MYRIP: variants seen among roughly 807,000 people sequenced by gnomAD.
MYRIP encodes myosin VIIA and Rab interacting protein.
Under a neutral mutation model 98.0 loss-of-function variants are expected in MYRIP, and 49 were observed. That is an observed-to-expected ratio of 0.50 (90% CI 0.40 to 0.63). The LOEUF (loss-of-function observed/expected upper bound fraction) is 0.63, where lower values mean the gene tolerates loss of function less well. Ranked by LOEUF, MYRIP falls within the 30% of genes least tolerant of loss-of-function variation. MYRIP has a pLI of 0.00. For missense variants in MYRIP, 1,004 were observed against 1,058.2 expected, an observed-to-expected ratio of 0.95 and a Z score of 0.71; for synonymous variants, 404 against 409.5, an observed-to-expected ratio of 0.99 and a Z score of 0.16.
chr3:40,137,303 C>T (rs1273569552), intron 3 of MYRIP, among the ~76,000 whole-genome samples: 3 of 152,074 alleles, frequency 2.0e-5, no homozygotes, highest in Non-Finnish European at 4.4e-5. Context: ...ATAAATTCCT[C>T]GACACATACA....
At chr3:39,968,160 A>G (rs1379972270) in intron 2 of MYRIP, among the ~76,000 whole-genome samples, 1 of 150,504 alleles carries the variant, frequency 6.6e-6, no homozygotes, top group South Asian at 2.1e-4. Context: ...TCCTATGTCC[A>G]GGATGGTATT....
At chr3:40,240,994 T>C (rs1952994341) in intron 12 of MYRIP, among the ~76,000 whole-genome samples, 1 of 152,116 alleles carries the variant, frequency 6.6e-6, no homozygotes, top group African/African-American at 2.4e-5. Context: ...CAGGAAGCCC[T>C]GGTGATGAAG....
intron 3 of MYRIP, among the ~76,000 whole-genome samples, chr3:40,124,568 C>T (rs1459185877): frequency 1.3e-5 from 2 of 152,190 alleles, no homozygotes; most frequent in East Asian, 3.8e-4. Flanking sequence ...CACCTTTCTC[C>T]CAGCATTTGT....
At chr3:39,930,215 C>T (rs1352356923) in intron 2 of MYRIP, among the ~76,000 whole-genome samples, 1 of 151,982 alleles carries the variant, frequency 6.6e-6, no homozygotes, top group Non-Finnish European at 1.5e-5. Context: ...CATCAATACT[C>T]ATTATTTCCT....
chr3:39,924,951 T>C lies in MYRIP; in HGVS notation c.110+24025T>C, dbSNP rs111258080. 1.2e-4 allele frequency among the ~76,000 whole-genome samples: 18 copies of C among 151,988 alleles called. 1 individual carries two copies. The Middle Eastern group carries it at 0.017, about 145-fold the overall frequency. ...CAATATTTCAAAATTTATGGGAAAC[T>C]GCTAAAGTAGTACATAGAAGAAAAT... On this transcript the variant is annotated intron_variant, in intron 2 of 16. Transcript: ENST00000302541.
intron 3 of MYRIP, among the ~76,000 whole-genome samples, chr3:40,062,147 G>T (rs1948032288): frequency 6.6e-6 from 1 of 152,170 alleles, no homozygotes; most frequent in Admixed American, 6.5e-5. Context: ...TTCTTTTGGT[G>T]TATTTGTCAT....
At chr3:39,870,348 AATTTGTTCCATTC>A (rs1942748983) in intron 1 of MYRIP, among the ~76,000 whole-genome samples, 1 of 44,222 alleles carries the variant, frequency 2.3e-5, no homozygotes, top group Non-Finnish European at 4.1e-5. Flanking sequence ...CCATTGTTCC[AATTTGTTCCATTC>A]TTCCAATTTG....
rs1322376887 is a variant in MYRIP at position 40,192,309 on chromosome 3, C to CATATATATATGACATATGTATAT, written c.1665+1856_1665+1857insGACATATGTATATATATATATAT. On this transcript the variant is annotated intron_variant, in intron 10 of 16. Transcript: ENST00000302541. Reference sequence around the variant, plus strand: ...ATTTACTGCGGCAGTTAGTTTTCTTCATATATATATATATATGTCATATAT... The same window carrying CATATATATATGACATATGTATAT: ...ATTTACTGCGGCAGTTAGTTTTCTTCATATATATATGACATATGTATATATATATATATATATATGTCATATAT... 1.9e-4 allele frequency among the ~76,000 whole-genome samples: 11 copies of CATATATATATGACATATGTATAT among 57,954 alleles called. 1 individual carries two copies. The highest frequency in any genetic ancestry group is 3.1e-4 in the Non-Finnish European group (11 of 35,488). The allele number at this position is 57,954 out of a possible 152,430, so 38.0% of individuals were successfully genotyped here.
At chr3:40,110,881 G>GGTGTGTGTGT (rs58040369) in intron 3 of MYRIP, among the ~76,000 whole-genome samples, 7 of 147,698 alleles carry the variant, frequency 4.7e-5, no homozygotes, top group African/African-American at 1.8e-4. Flanking sequence ...TTCATGAAGG[G>GGTGTGTGTGT]GTGTGTGTGT....
chr3:39,866,241 AT>A (rs1250248721), intron 1 of MYRIP, among the ~76,000 whole-genome samples: 1 of 152,140 alleles, frequency 6.6e-6, no homozygotes, highest in Non-Finnish European at 1.5e-5. Context: ...TACTGTGCTG[AT>A]TACCTGGGTG....
intron 2 of MYRIP, among the ~76,000 whole-genome samples, chr3:39,942,845 T>A (rs1944821093): frequency 6.6e-6 from 1 of 152,148 alleles, no homozygotes; most frequent in South Asian, 2.1e-4. Context: ...TAATTACCAA[T>A]CTATTCTCTA....
At chr3:39,961,122 G>A (rs950879090) in intron 2 of MYRIP, among the ~76,000 whole-genome samples, 1 of 152,078 alleles carries the variant, frequency 6.6e-6, no homozygotes, top group African/African-American at 2.4e-5. Flanking sequence ...ATTCTGGAAG[G>A]AAATCTAGTT....
intron 8 of MYRIP, among the ~76,000 whole-genome samples, chr3:40,180,957 G>A (rs1950870114): frequency 1.3e-5 from 2 of 152,194 alleles, no homozygotes; most frequent in African/African-American, 4.8e-5. Flanking sequence ...CTATCTCTGT[G>A]TCTTTCCTCA....
At chr3:39,945,494 A>AG (rs1278248285) in intron 2 of MYRIP, among the ~76,000 whole-genome samples, 85 of 148,402 alleles carry the variant, frequency 5.7e-4, no homozygotes, top group African/African-American at 2.1e-3. Flanking sequence ...AAAAAAAAGA[A>AG]AAAAGAAAAA....
chr3:40,050,953 G>A (rs1024859557), intron 3 of MYRIP, among the ~76,000 whole-genome samples: 8 of 152,144 alleles, frequency 5.3e-5, no homozygotes, highest in Non-Finnish European at 1.2e-4. Flanking sequence ...AGAAAACTTG[G>A]ACAGGTGAAG....
chr3:40,229,645 T>C (rs1056293657), intron 11 of MYRIP, among the ~76,000 whole-genome samples: 1 of 152,224 alleles, frequency 6.6e-6, no homozygotes, highest in Non-Finnish European at 1.5e-5. Flanking sequence ...TCCTTGTGGC[T>C]CTGTGGTGGG....
intron 4 of MYRIP, among the ~76,000 whole-genome samples, chr3:40,161,015 C>T (rs116481437): frequency 0.037 from 5,597 of 152,294 alleles, 164 homozygotes; most frequent in Non-Finnish European, 0.057. Context: ...ATTCGACCAT[C>T]TTGGCTCCTC....
rs926461853 is a variant in MYRIP at position 39,832,904 on chromosome 3, AT to A, written c.-31+22990del. Among the ~76,000 whole-genome samples, 34 of 152,200 alleles carry A rather than the reference AT, an allele frequency of 2.2e-4. 1 individual carries two copies. The highest frequency in any genetic ancestry group is 8.2e-4 in the African/African-American group (34 of 41,456). Reference sequence around the variant, plus strand: ...CTGGGAAACTACCCTAAGGGAAGAAATTCATTAATGTGGAAAGCCGTTTATG... The same window carrying A: ...CTGGGAAACTACCCTAAGGGAAGAAATCATTAATGTGGAAAGCCGTTTATG... On this transcript the variant is annotated intron_variant, in intron 1 of 16. Coordinates refer to ENST00000302541, the MANE Select transcript of MYRIP (RefSeq NM_015460.4).
chr3:40,131,165 C>T (rs1024401177), intron 3 of MYRIP, among the ~76,000 whole-genome samples: 1 of 152,156 alleles, frequency 6.6e-6, no homozygotes, highest in Non-Finnish European at 1.5e-5. Context: ...AATGGGAATA[C>T]AGCTTTTCTG....
Sources: gnomAD v4.1 joint callset for allele counts (sites outside exome capture counted in the v4.1 genomes callset) on GRCh38, gnomAD v4.1.1 for gene constraint, MANE v1.5 for transcripts, NCBI Gene and HGNC (gene_info 2026-07-23, HGNC 2026-07-21) for gene names.